The following CECR2 variants were observed in gnomAD, a reference collection of about 807,000 sequenced individuals.
CECR2 encodes CECR2 histone acetyl-lysine reader, also known as chromatin remodeling regulator CECR2.
CECR2 carries 30 observed loss-of-function variants against 154.5 expected under a neutral mutation model. The ratio of observed to expected loss-of-function variants is 0.19; its 90% CI spans 0.15 to 0.26. CECR2 has a LOEUF of 0.26. Among genes scored for constraint, CECR2 ranks in the 10% least tolerant of loss-of-function variants. The pLI is 1.00. For missense variants in CECR2, 1,743 were observed against 1,829.3 expected, an observed-to-expected ratio of 0.95 and a Z score of 0.86; for synonymous variants, 725 against 683.7, an observed-to-expected ratio of 1.06 and a Z score of -0.94.
intron 15 of CECR2, 94 bp from the exon 16 acceptor site, chr22:17,542,063 C>G (rs2056532498): frequency 6.4e-7 from 1 of 1,568,500 alleles, no homozygotes; most frequent in East Asian, 2.3e-5. Context: ...TTCATTGCGT[C>G]CTTTCCCAAA....
In CECR2 at chr22:17,548,662, G is replaced by A. The variant is rs774765341; in HGVS notation, c.3375G>A (p.Glu1125=). 3 of 1,613,300 alleles carry A rather than the reference G, an allele frequency of 1.9e-6. No homozygotes were observed. In the Admixed American group the frequency reaches 5.0e-5, roughly 27 times the overall value. ...CCCCGCTGTATATGCCTGGCCTAGA[G>A]TACCCGAATTCAGCTGCCCATTACC... is the stretch of plus-strand genomic sequence containing the variant. The part of the protein sequence containing the change: ...QFPPLYMPGL[E]YPNSAAHYHI... The change falls in exon 17 of 19, where the codon GAG becomes GAA. Residue 1125 remains glutamate (E), a synonymous_variant. Coordinates refer to ENST00000262608, the MANE Select transcript of CECR2 (RefSeq NM_001290047.2).
At chr22:17,481,815 A>G (rs1372591614) in intron 2 of CECR2, among the ~76,000 whole-genome samples, 6 of 152,174 alleles carry the variant, frequency 3.9e-5, no homozygotes, top group Admixed American at 6.5e-5. Flanking sequence ...TACCAGTCAT[A>G]TAAAGACCTA....
At chr22:17,528,717 G>A (rs986025917) in intron 9 of CECR2, among the ~76,000 whole-genome samples, 3 of 151,946 alleles carry the variant, frequency 2.0e-5, no homozygotes, top group Admixed American at 6.6e-5. Context: ...TGTATTTTTA[G>A]TAGAGATGGG....
At chr22:17,377,449 G>A (rs2063131285) in intron 1 of CECR2, among the ~76,000 whole-genome samples, 1 of 149,032 alleles carries the variant, frequency 6.7e-6, no homozygotes. Flanking sequence ...TTTTTTTAAA[G>A]ACAGTATCTC....
In CECR2 at chr22:17,540,693, A is replaced by G. The variant is rs184360323; in HGVS notation, c.1777A>G (p.Ser593Gly). 2.0e-3 allele frequency: 3,279 copies of G among 1,613,862 alleles called. 96 individuals are homozygous for G. In the Admixed American group the frequency reaches 0.046, roughly 23 times the overall value. ...CTCTTCTGGGGACGATCAGAGCAGC[A>G]GCTCCACACAGCCCCCGCGGGAGGT... is the stretch of plus-strand genomic sequence containing the variant. ...APSSGDDQSS[S>G]STQPPREVGT... Residue 593 changes from serine to glycine, a missense_variant, in exon 14 of 19, where the codon AGC (serine) becomes GGC (glycine). Ser to Gly is a moderately conservative substitution (Grantham distance 56). Around this residue, in one of 4 missense-constraint regions of CECR2, gnomAD observed 1,250 missense variants for 1,192.1 expected, o/e 1.05. Coordinates refer to ENST00000262608, the MANE Select transcript of CECR2 (RefSeq NM_001290047.2).
chr22:17,495,793 C>T (rs1203143083), intron 2 of CECR2, among the ~76,000 whole-genome samples: 1 of 132,258 alleles, frequency 7.6e-6, no homozygotes, highest in African/African-American at 2.9e-5. Flanking sequence ...ACCTGGGAGG[C>T]GGAGCTTGCA....
At chr22:17,367,488 C>A (rs530031936), upstream of CECR2, among the ~76,000 whole-genome samples, 4 of 152,162 alleles carry the variant, frequency 2.6e-5, no homozygotes, top group African/African-American at 9.6e-5. Flanking sequence ...CGAGTTCAGG[C>A]GATTCTCCTG....
At chr22:17,424,937 A>G (rs1322815938) in intron 1 of CECR2, among the ~76,000 whole-genome samples, 1 of 152,240 alleles carries the variant, frequency 6.6e-6, no homozygotes, top group African/African-American at 2.4e-5. Context: ...GTGTTTTGCC[A>G]GACAACAGAG....
In CECR2 at chr22:17,549,133, G is replaced by A; in HGVS notation, c.3846G>A (p.Lys1282=). The change falls in exon 17 of 19, where the codon AAG becomes AAA. Residue 1282 remains lysine (K), a synonymous_variant. Coordinates refer to ENST00000262608, the MANE Select transcript of CECR2 (RefSeq NM_001290047.2). ...AGAATCCTGGTCCAGAGGAAGAGAA[G>A]CTGGATGAATCTATGGAGAGGCCAG... The part of the protein sequence containing the change: ...DGQNPGPEEE[K]LDESMERPES... 6.2e-7 allele frequency: 1 copy of A among 1,614,018 alleles called. No homozygotes were observed. Among genetic ancestry groups the A allele is most frequent in the Non-Finnish European group, 8.5e-7 (1 of 1,179,898 alleles).
intron 1 of CECR2, among the ~76,000 whole-genome samples, chr22:17,388,445 A>C (rs2063290224): frequency 6.6e-6 from 1 of 152,178 alleles, no homozygotes. Flanking sequence ...CCAAGGCCGC[A>C]TGCCCAGCGG....
At chr22:17,543,107 C>G in intron 16 of CECR2, 104 bp downstream of exon 16, 2 of 1,303,618 alleles carry the variant, frequency 1.5e-6, no homozygotes, top group East Asian at 2.5e-5. Context: ...GCCTCTCTTT[C>G]TTTGTTTATT....
At chr22:17,469,593 G>GTT (rs1156329348) in intron 1 of CECR2, among the ~76,000 whole-genome samples, 9,112 of 125,232 alleles carry the variant, frequency 0.073, 401 homozygotes, top group South Asian at 0.18. Flanking sequence ...TGATAACATT[G>GTT]TTTTTTTTTT....
At chr22:17,524,816 C>T (rs570125624) in intron 9 of CECR2, 67 of 382,216 alleles carry the variant, frequency 1.8e-4, no homozygotes, top group African/African-American at 1.3e-3. Flanking sequence ...GGACTATAGG[C>T]GTGCCACCAC....
At chr22:17,405,048 A>T (rs1177058751) in intron 1 of CECR2, among the ~76,000 whole-genome samples, 1 of 152,156 alleles carries the variant, frequency 6.6e-6, no homozygotes. Context: ...TCAACTCTTT[A>T]GGTATCTCCC....
intron 1 of CECR2, among the ~76,000 whole-genome samples, chr22:17,393,599 G>T (rs2053763228): frequency 6.6e-6 from 1 of 152,146 alleles, no homozygotes; most frequent in Non-Finnish European, 1.5e-5. Context: ...TTATAGAGTG[G>T]CAGCACTATT....
chr22:17,361,608 G>A (rs1292650815), intron 1 of CECR2, among the ~76,000 whole-genome samples: 3 of 152,010 alleles, frequency 2.0e-5, no homozygotes, highest in Admixed American at 6.6e-5. Flanking sequence ...GCATGGTGGC[G>A]GGCACCCATA....
At chr22:17,511,737 A>G (rs970462055) in intron 7 of CECR2, 76 bp from the exon 8 acceptor site, 21 of 1,140,290 alleles carry the variant, frequency 1.8e-5, no homozygotes, top group East Asian at 1.3e-4. Flanking sequence ...TACTGGCGGC[A>G]GCAGCAGCAG....
At chr22:17,449,081 G>GTTGGA (rs1192712866) in intron 1 of CECR2, among the ~76,000 whole-genome samples, 6 of 151,998 alleles carry the variant, frequency 3.9e-5, no homozygotes, top group African/African-American at 1.5e-4. Context: ...GTTTCACCAT[G>GTTGGA]TTGGCCAAGC....
intron 17 of CECR2, among the ~76,000 whole-genome samples, chr22:17,551,577 G>A (rs775506649): frequency 3.4e-4 from 52 of 152,256 alleles, no homozygotes; most frequent in Admixed American, 1.3e-3. Flanking sequence ...TTCGGGGGCT[G>A]AGGCAGGAGG....
Sources: allele counts gnomAD v4.1 joint callset (sites outside exome capture counted in the v4.1 genomes callset), GRCh38; gene constraint gnomAD v4.1.1; regional missense constraint gnomAD v4.1.1; transcripts MANE v1.5; gene names NCBI Gene and HGNC (gene_info 2026-07-23, HGNC 2026-07-21).